Variants in VSTM4 observed in about 807,000 individuals in gnomAD.
VSTM4 encodes V-set and transmembrane domain containing 4.
Under a neutral mutation model 36.4 loss-of-function variants are expected in VSTM4, and 20 were observed. The ratio of observed to expected loss-of-function variants is 0.55; its 90% CI spans 0.39 to 0.80. The LOEUF is 0.80. Among genes scored for constraint, VSTM4 ranks in the 30% least tolerant of loss-of-function variants. The probability of loss-of-function intolerance (pLI) is 0.00; values close to 1 mark genes in which losing one functional copy is unlikely to be tolerated. For missense variants in VSTM4, 392 were observed against 404.5 expected (o/e 0.97, Z 0.26); for synonymous variants, 182 against 173.9 (o/e 1.05, Z -0.37).
intron 4 of VSTM4, among the ~76,000 whole-genome samples, chr10:49,069,693 G>C (rs887283744): frequency 2.0e-5 from 3 of 152,128 alleles, no homozygotes; most frequent in African/African-American, 7.2e-5. Context: ...CAGTTATAAG[G>C]ACAGGACCAC....
intron 7 of VSTM4, among the ~76,000 whole-genome samples, chr10:49,044,715 A>T (rs1227449309): frequency 6.6e-6 from 1 of 152,148 alleles, no homozygotes; most frequent in Non-Finnish European, 1.5e-5. Context: ...TGTTAATACA[A>T]CCCAGATTTC....
At position 49,064,692 on chromosome 10, in the gene VSTM4, A is replaced by C; in HGVS notation, c.668+11T>G. ...GAGTTTCATCTGAAAAAAGGAAGAA[A>C]ATATTCTTACCTGTTCTGAGGGCAT... On this transcript the variant is annotated intron_variant, in intron 5 of 7. Coordinates refer to ENST00000332853, the MANE Select transcript of VSTM4 (RefSeq NM_001031746.5). The C allele has an allele frequency of 6.2e-7, 1 of 1,606,254 alleles. No individual in the cohort carries two copies. The highest frequency in any genetic ancestry group is 8.5e-7 in the Non-Finnish European group (1 of 1,177,748).
intron 5 of VSTM4, among the ~76,000 whole-genome samples, chr10:49,054,907 T>C (rs1028356939): frequency 1.4e-4 from 21 of 150,442 alleles, no homozygotes; most frequent in African/African-American, 5.0e-4. Context: ...AATCCAGCCA[T>C]CTCAAAGATG....
chr10:49,080,217 T>G (rs545923820), intron 3 of VSTM4, among the ~76,000 whole-genome samples: 1 of 152,348 alleles, frequency 6.6e-6, no homozygotes, highest in East Asian at 1.9e-4. Context: ...CCTTGTGGCG[T>G]GGAGAAGCAG....
intron 7 of VSTM4, among the ~76,000 whole-genome samples, chr10:49,029,489 T>C (rs1590069548): frequency 6.6e-6 from 1 of 152,104 alleles, no homozygotes; most frequent in African/African-American, 2.4e-5. Flanking sequence ...GGCCAGTGAT[T>C]ATGGAGTCTG....
At chr10:49,063,025 C>CTTT (rs141666556) in intron 5 of VSTM4, among the ~76,000 whole-genome samples, 10 of 138,908 alleles carry the variant, frequency 7.2e-5, no homozygotes, top group South Asian at 2.4e-4. Flanking sequence ...ATGATTGAAT[C>CTTT]TTTTTTTTTT....
chr10:49,057,699 G>T (rs576724703), intron 5 of VSTM4, among the ~76,000 whole-genome samples: 24 of 152,286 alleles, frequency 1.6e-4, no homozygotes, highest in Admixed American at 8.5e-4. Flanking sequence ...AGTAATGACC[G>T]TGGGAGCATG....
chr10:49,088,528 G>C lies in VSTM4; in HGVS notation c.458-2505C>G, dbSNP rs59582387. On this transcript the variant is annotated intron_variant, in intron 2 of 7. Transcript: ENST00000332853. ...TGCATGTGGTTATTGTGAGCCCTGA[G>C]ATTGAAAGAGCCAGTGGATTTTGTG... Among the ~76,000 whole-genome samples, 322 of 152,354 alleles carry C rather than the reference G, an allele frequency of 2.1e-3. 1 individual carries two copies. The highest frequency in any genetic ancestry group is 7.6e-3 in the African/African-American group (316 of 41,590).
chr10:49,022,358 A>C (rs1843195041), intron 7 of VSTM4, among the ~76,000 whole-genome samples: 1 of 152,162 alleles, frequency 6.6e-6, no homozygotes, highest in African/African-American at 2.4e-5. Context: ...AAACAACTAA[A>C]CCACCTTCAT....
chr10:49,074,793 C>T (rs1006405621), intron 4 of VSTM4, among the ~76,000 whole-genome samples: 25 of 152,166 alleles, frequency 1.6e-4, no homozygotes, highest in African/African-American at 4.8e-4. Flanking sequence ...GGTCAGCCCC[C>T]GATAGCCAAG....
intron 5 of VSTM4, among the ~76,000 whole-genome samples, chr10:49,059,187 G>A (rs1358023159): frequency 6.6e-6 from 1 of 152,226 alleles, no homozygotes; most frequent in African/African-American, 2.4e-5. Flanking sequence ...TGACTACCAG[G>A]TTTATGGGTC....
At chr10:49,079,836 C>T (rs1055553256) in intron 3 of VSTM4, among the ~76,000 whole-genome samples, 1 of 151,984 alleles carries the variant, frequency 6.6e-6, no homozygotes. Flanking sequence ...CATCCTGTCA[C>T]CCTGAGATAA....
chr10:49,042,325 G>A (rs1201999292), intron 7 of VSTM4, among the ~76,000 whole-genome samples: 6 of 152,182 alleles, frequency 3.9e-5, no homozygotes, highest in Non-Finnish European at 7.4e-5. Flanking sequence ...GAATTGATGA[G>A]GATTTTTTGA....
At chr10:49,036,471 C>T (rs918119071) in intron 7 of VSTM4, among the ~76,000 whole-genome samples, 14 of 152,056 alleles carry the variant, frequency 9.2e-5, no homozygotes, top group African/African-American at 3.1e-4. Context: ...TTAATATATC[C>T]TTTTCATGTA....
intron 2 of VSTM4, chr10:49,103,626 G>A (rs575863369): frequency 2.9e-5 from 43 of 1,495,056 alleles, no homozygotes; most frequent in African/African-American, 2.8e-4. Flanking sequence ...ATATATCATC[G>A]CAAGTCACCC....
chr10:49,087,936 ATGTATATATACATATGTAATATATATGTG>A (rs1564589333), intron 2 of VSTM4, among the ~76,000 whole-genome samples: 5 of 123,834 alleles, frequency 4.0e-5, no homozygotes, highest in African/African-American at 2.0e-4. Flanking sequence ...TGTAATATAT[ATGTATATATACATATGTAATATATATGTG>A]TATATATACA....
intron 7 of VSTM4, among the ~76,000 whole-genome samples, chr10:49,043,384 A>T (rs961655963): frequency 6.6e-6 from 1 of 152,242 alleles, no homozygotes; most frequent in African/African-American, 2.4e-5. Flanking sequence ...TGGCTACTAG[A>T]AAGTTTAAAT....
rs145577680 is a variant in VSTM4 at position 49,112,641 on chromosome 10, C to T, written c.55+2790G>A. On this transcript the variant is annotated intron_variant, in intron 1 of 7. Transcript: ENST00000332853. ...GTGAGTACAGTGGGCTTCGTGGGCC[C>T]ACGACCTGCAGGCACACAGGACCCC... 1.4e-3 allele frequency among the ~76,000 whole-genome samples: 207 copies of T among 152,340 alleles called. No individual in the cohort carries two copies. In the Middle Eastern group the frequency reaches 0.014, roughly 10 times the overall value.
chr10:49,064,687 A>C lies in VSTM4; in HGVS notation c.668+16T>G. On this transcript the variant is annotated intron_variant, in intron 5 of 7. Transcript: ENST00000332853. Reference sequence around the variant, plus strand: ...GCAAAGAGTTTCATCTGAAAAAAGGAAGAAAATATTCTTACCTGTTCTGAG... The same window carrying C: ...GCAAAGAGTTTCATCTGAAAAAAGGCAGAAAATATTCTTACCTGTTCTGAG... The C allele has an allele frequency of 6.2e-7, 1 of 1,604,460 alleles. No homozygotes were observed. Among genetic ancestry groups the C allele is most frequent in the Non-Finnish European group, 8.5e-7 (1 of 1,177,132 alleles).
Sources: allele counts gnomAD v4.1 joint callset (sites outside exome capture counted in the v4.1 genomes callset), GRCh38; gene constraint gnomAD v4.1.1; transcripts MANE v1.5; gene names NCBI Gene and HGNC (gene_info 2026-07-23, HGNC 2026-07-21).